The following CSMD1 variants were observed in gnomAD, a reference collection of about 807,000 sequenced individuals.
CSMD1 encodes CUB and Sushi multiple domains 1.
In CSMD1, 213 loss-of-function variants were observed where a neutral mutation model predicts 417.5. The ratio of observed to expected loss-of-function variants is 0.51; its 90% CI spans 0.46 to 0.57. CSMD1 has a LOEUF of 0.57. Ranked by LOEUF, CSMD1 falls within the 20% of genes least tolerant of loss-of-function variation. CSMD1 has a pLI of 0.00. For missense variants in CSMD1, 6,923 were observed against 4,529.7 expected (o/e 1.53, Z -15.17); for synonymous variants, 2,862 against 1,736.8 (o/e 1.65, Z -16.11).
At chr8:4,408,782 C>G (rs1796483487) in intron 3 of CSMD1, among the ~76,000 whole-genome samples, 1 of 152,118 alleles carries the variant, frequency 6.6e-6, no homozygotes, top group Admixed American at 6.5e-5. Flanking sequence ...TGCCATTTTT[C>G]TGGCTCCATT....
At chr8:4,164,440 A>C (rs1417886691) in intron 3 of CSMD1, among the ~76,000 whole-genome samples, 3 of 152,164 alleles carry the variant, frequency 2.0e-5, no homozygotes, top group Non-Finnish European at 4.4e-5. Context: ...GTGACCTCTG[A>C]AACAGCCTGG....
At chr8:3,739,628 C>A (rs1430021370) in intron 6 of CSMD1, among the ~76,000 whole-genome samples, 3 of 152,078 alleles carry the variant, frequency 2.0e-5, no homozygotes, top group African/African-American at 4.8e-5. Context: ...CCTTTCTGTG[C>A]TGAACATTTA....
intron 2 of CSMD1, among the ~76,000 whole-genome samples, chr8:4,497,612 G>A (rs563434585): frequency 6.6e-6 from 1 of 152,140 alleles, no homozygotes; most frequent in Non-Finnish European, 1.5e-5. Context: ...GCAAAGGCAG[G>A]CATTTAAGTA....
chr8:3,991,157 G>A (rs1230543095), intron 5 of CSMD1, among the ~76,000 whole-genome samples: 1 of 152,186 alleles, frequency 6.6e-6, no homozygotes, highest in Non-Finnish European at 1.5e-5. Context: ...TAGACATTGT[G>A]GAGAGGGTGC....
At chr8:4,444,038 T>A (rs1002719440) in intron 2 of CSMD1, among the ~76,000 whole-genome samples, 1 of 151,996 alleles carries the variant, frequency 6.6e-6, no homozygotes, top group Non-Finnish European at 1.5e-5. Flanking sequence ...CACACTATCT[T>A]TGAGAAGAGT....
chr8:3,718,911 A>G (rs910017165), intron 6 of CSMD1, among the ~76,000 whole-genome samples: 1 of 152,126 alleles, frequency 6.6e-6, no homozygotes, highest in Admixed American at 6.6e-5. Flanking sequence ...ACACCACCGG[A>G]GCCAATTTAA....
intron 49 of CSMD1, among the ~76,000 whole-genome samples, chr8:3,084,665 C>G (rs1814393680): frequency 1.3e-5 from 2 of 151,884 alleles, no homozygotes; most frequent in Admixed American, 1.3e-4. Flanking sequence ...GCTAAATCAC[C>G]TTTAACAATT....
intron 7 of CSMD1, among the ~76,000 whole-genome samples, chr8:3,666,933 G>T (rs1032512715): frequency 1.4e-4 from 21 of 152,184 alleles, no homozygotes; most frequent in Admixed American, 3.9e-4. Flanking sequence ...TTTACCAGGT[G>T]TAAGAGATAG....
At chr8:4,949,361 T>C (rs1808581905) in intron 1 of CSMD1, among the ~76,000 whole-genome samples, 2 of 152,184 alleles carry the variant, frequency 1.3e-5, no homozygotes, top group African/African-American at 4.8e-5. Flanking sequence ...TATTTGTAAA[T>C]GTTTGTGTAA....
At chr8:4,204,925 G>T (rs555242595) in intron 3 of CSMD1, among the ~76,000 whole-genome samples, 2 of 152,110 alleles carry the variant, frequency 1.3e-5, no homozygotes, top group Admixed American at 1.3e-4. Context: ...TTCCCAAAGT[G>T]CTGGGATTAC....
chr8:4,100,361 C>G (rs762332112), intron 3 of CSMD1, among the ~76,000 whole-genome samples: 1 of 152,172 alleles, frequency 6.6e-6, no homozygotes, highest in Non-Finnish European at 1.5e-5. Context: ...TGGCAGCATT[C>G]CTCCACCACC....
At chr8:3,463,426 A>G (rs983880694) in intron 12 of CSMD1, among the ~76,000 whole-genome samples, 1 of 152,266 alleles carries the variant, frequency 6.6e-6, no homozygotes, top group Admixed American at 6.5e-5. Flanking sequence ...GCTTTGTGAC[A>G]GTCAACTGAG....
chr8:4,071,357 T>C (rs965543671), intron 3 of CSMD1, among the ~76,000 whole-genome samples: 5 of 152,136 alleles, frequency 3.3e-5, no homozygotes, highest in Admixed American at 6.5e-5. Context: ...CTAACTCTTA[T>C]GTCATTTTGT....
chr8:3,213,267 T>G (rs1483996738), intron 30 of CSMD1, among the ~76,000 whole-genome samples: 1 of 152,214 alleles, frequency 6.6e-6, no homozygotes, highest in African/African-American at 2.4e-5. Flanking sequence ...ACCCTAGAAA[T>G]GAATGTCTCT....
intron 10 of CSMD1, among the ~76,000 whole-genome samples, chr8:3,518,682 C>T (rs1277847965): frequency 1.3e-5 from 2 of 151,962 alleles, no homozygotes; most frequent in Admixed American, 6.6e-5. Flanking sequence ...ACTAATCATG[C>T]CCCAAAGAAT....
At chr8:4,423,141 C>A (rs540947469) in intron 2 of CSMD1, among the ~76,000 whole-genome samples, 14 of 151,978 alleles carry the variant, frequency 9.2e-5, no homozygotes, top group Non-Finnish European at 1.2e-4. Context: ...GGAAACAAGT[C>A]AAGAAATTTG....
intron 3 of CSMD1, among the ~76,000 whole-genome samples, chr8:4,304,345 G>C (rs186351160): frequency 4.6e-5 from 7 of 152,214 alleles, no homozygotes; most frequent in African/African-American, 1.2e-4. Flanking sequence ...TGATGTCTTA[G>C]ATACATTCCA....
chr8:4,189,254 C>G (rs555592502), intron 3 of CSMD1, among the ~76,000 whole-genome samples: 42 of 152,222 alleles, frequency 2.8e-4, no homozygotes, highest in Non-Finnish European at 5.0e-4. Flanking sequence ...CCACCTTTGC[C>G]CATCTGTAGA....
chr8:3,479,356 C>T (rs974010698), intron 11 of CSMD1, among the ~76,000 whole-genome samples: 2 of 152,180 alleles, frequency 1.3e-5, no homozygotes, highest in African/African-American at 4.8e-5. Context: ...TCTTGGCTCA[C>T]CGCAACCTCC....
Sources: allele counts gnomAD v4.1 joint callset (sites outside exome capture counted in the v4.1 genomes callset), GRCh38; gene constraint gnomAD v4.1.1; transcripts MANE v1.5; gene names NCBI Gene and HGNC (gene_info 2026-07-23, HGNC 2026-07-21).